Variants in ACCSL observed in about 807,000 individuals in gnomAD.
ACCSL encodes the protein probable inactive 1-aminocyclopropane-1-carboxylate synthase-like protein 2.
A neutral mutation model predicts 61.7 loss-of-function variants in ACCSL; 55 were observed. That is an observed-to-expected ratio of 0.89 (90% confidence interval 0.72 to 1.12). The LOEUF (loss-of-function observed/expected upper bound fraction) is 1.12, where lower values mean the gene tolerates loss of function less well. Among genes scored for constraint, ACCSL ranks in the 50% most tolerant of loss-of-function variants. The probability of loss-of-function intolerance (pLI) is 0.00; values close to 1 mark genes in which losing one functional copy is unlikely to be tolerated. For missense variants in ACCSL, 632 were observed against 698.0 expected (o/e 0.91, Z 1.07); for synonymous variants, 258 against 264.3 (o/e 0.98, Z 0.23).
At position 44,048,473 on chromosome 11, in the gene ACCSL, A is replaced by G; in HGVS notation, c.437A>G (p.Tyr146Cys). 1 of 1,610,356 alleles carries G rather than the reference A, an allele frequency of 6.2e-7. No individual in the cohort carries two copies. The highest frequency in any genetic ancestry group is 8.5e-7 in the Non-Finnish European group (1 of 1,179,710). ...CGTGGGATTGACATCTCTGTCTTTT[A>G]TCAGTCGAGCTTCCAGGACTACAAT... ...SIRGIDISVF[Y>C]QSSFQDYNAY... Residue 146 changes from tyrosine to cysteine, a missense_variant, in exon 1 of 14, where the codon TAT (tyrosine) becomes TGT (cysteine). Coordinates refer to ENST00000378832, the MANE Select transcript of ACCSL (RefSeq NM_001031854.2).
chr11:43,971,248 G>A, the ACCSL span, among the ~76,000 whole-genome samples: 1 of 144,930 alleles, frequency 6.9e-6, no homozygotes, highest in Admixed American at 7.0e-5. Flanking sequence ...CAGGAGAATG[G>A]CATTCCAGCC....
At chr11:43,965,828 G>T in the ACCSL span, among the ~76,000 whole-genome samples, 1 of 152,126 alleles carries the variant, frequency 6.6e-6, no homozygotes, top group African/African-American at 2.4e-5. Context: ...TCTGATGAGG[G>T]TATCAAGACC....
At position 44,055,695 on chromosome 11, in the gene ACCSL, G is replaced by A. The variant is rs963618376; in HGVS notation, c.1140-345G>A. 2.6e-5 allele frequency among the ~76,000 whole-genome samples: 4 copies of A among 152,238 alleles called. No individual in the cohort carries two copies. The South Asian group carries it at 6.2e-4, about 24-fold the overall frequency. ...GGCAGAAGGAATAGCTTCACCAAAG[G>A]TGGAGCAGTAGGAAATACTCGGGCA... On this transcript the variant is annotated intron_variant, in intron 9 of 13. Transcript: ENST00000378832.
At chr11:43,975,667 T>C in the ACCSL span, among the ~76,000 whole-genome samples, 1 of 152,068 alleles carries the variant, frequency 6.6e-6, no homozygotes, top group African/African-American at 2.4e-5. Flanking sequence ...TTAAGATGAT[T>C]ATATCAGCAA....
At chr11:44,029,071 C>T in the ACCSL span, among the ~76,000 whole-genome samples, 9 of 152,218 alleles carry the variant, frequency 5.9e-5, no homozygotes, top group Non-Finnish European at 1.0e-4. Flanking sequence ...ATGATGTCCT[C>T]CTATCTGGCC....
At chr11:43,989,309 C>A in the ACCSL span, among the ~76,000 whole-genome samples, 1 of 152,220 alleles carries the variant, frequency 6.6e-6, no homozygotes, top group Non-Finnish European at 1.5e-5. Flanking sequence ...AGAAGAGGAA[C>A]AGGGGAAGGT....
chr11:43,943,726 G>T, the ACCSL span: 1 of 1,304,424 alleles, frequency 7.7e-7, no homozygotes, highest in East Asian at 5.5e-5. The surrounding 1 kb of genome is among the most constrained non-coding windows in gnomAD (Gnocchi z 4.8). Flanking sequence ...TGGCCGTTGG[G>T]ACTTTGGGCG....
At chr11:44,016,728 T>A in the ACCSL span, among the ~76,000 whole-genome samples, 1 of 152,110 alleles carries the variant, frequency 6.6e-6, no homozygotes, top group East Asian at 1.9e-4. Context: ...AGCAGACAAG[T>A]ATGTGGACTC....
chr11:43,990,410 C>T, the ACCSL span, among the ~76,000 whole-genome samples: 1 of 152,054 alleles, frequency 6.6e-6, no homozygotes, highest in Non-Finnish European at 1.5e-5. Context: ...TAGATGGTGC[C>T]TTCTTACCGT....
At chr11:44,044,540 C>T (rs905078485), upstream of ACCSL, among the ~76,000 whole-genome samples, 1 of 151,998 alleles carries the variant, frequency 6.6e-6, no homozygotes, top group African/African-American at 2.4e-5. Flanking sequence ...CACATGAAGA[C>T]GATTCTGCAA....
rs773199730 is a variant in ACCSL, at chr11:44,053,031, A to G, written c.911A>G (p.Asp304Gly). The stretch of plus-strand genomic sequence containing the variant: ...ACCCATCCTTTCCAGCTCACTGTGG[A>G]CAAGTTAGAGGAAGCCCTGCTTGAA... ...TNTHPFQLTV[D>G]KLEEALLEAR... The change falls in exon 7 of 14, where the codon GAC becomes GGC. Residue 304 changes from aspartate to glycine, a missense_variant. By Grantham distance (94) the Asp-to-Gly change is moderately conservative (BLOSUM62 -1). Transcript: ENST00000378832. 1.2e-6 allele frequency: 2 copies of G among 1,614,148 alleles called. No individual in the cohort carries two copies. The highest frequency in any genetic ancestry group is 1.3e-5 in the African/African-American group (1 of 75,034).
At chr11:43,996,043 T>C in the ACCSL span, among the ~76,000 whole-genome samples, 1 of 152,106 alleles carries the variant, frequency 6.6e-6, no homozygotes, top group Non-Finnish European at 1.5e-5. Context: ...GGGAAGACCA[T>C]GTGTAGTGGC....
the ACCSL span, among the ~76,000 whole-genome samples, chr11:43,965,655 A>C: frequency 6.6e-6 from 1 of 152,216 alleles, no homozygotes; most frequent in Admixed American, 6.5e-5. Flanking sequence ...GAATAGATAA[A>C]ACAATCTCGA....
chr11:44,021,252 C>G, the ACCSL span, among the ~76,000 whole-genome samples: 1 of 152,114 alleles, frequency 6.6e-6, no homozygotes, highest in Non-Finnish European at 1.5e-5. Context: ...TAATAGTGTT[C>G]CCTTTTCACC....
chr11:44,002,409 G>T, the ACCSL span, among the ~76,000 whole-genome samples: 1 of 152,178 alleles, frequency 6.6e-6, no homozygotes, highest in Non-Finnish European at 1.5e-5. Flanking sequence ...GAAGCCCCCC[G>T]CGTGGTTTCT....
chr11:43,942,363 A>C, the ACCSL span: 1 of 212,456 alleles, frequency 4.7e-6, no homozygotes, highest in South Asian at 4.8e-5. Flanking sequence ...GCGGCGATTG[A>C]GGGTCCCTGT....
chr11:43,977,691 A>G, the ACCSL span, among the ~76,000 whole-genome samples: 1 of 152,230 alleles, frequency 6.6e-6, no homozygotes, highest in Non-Finnish European at 1.5e-5. Context: ...GCAATGGGAA[A>G]CTAATGTACC....
the ACCSL span, among the ~76,000 whole-genome samples, chr11:43,961,158 T>C: frequency 6.6e-6 from 1 of 152,192 alleles, no homozygotes; most frequent in Non-Finnish European, 1.5e-5. Context: ...TTTAATTTCA[T>C]TGTGGCCAGA....
At chr11:44,029,924 C>G in the ACCSL span, among the ~76,000 whole-genome samples, 16 of 151,634 alleles carry the variant, frequency 1.1e-4, no homozygotes, top group South Asian at 6.2e-4. Context: ...ACTCCATTGA[C>G]TTGGGTTCAT....
Sources: allele counts gnomAD v4.1 joint callset (sites outside exome capture counted in the v4.1 genomes callset), GRCh38; gene constraint gnomAD v4.1.1; non-coding constraint Gnocchi (gnomAD v3.1); transcripts MANE v1.5; gene names NCBI Gene and HGNC (gene_info 2026-07-23, HGNC 2026-07-21).